SCFD2: variants seen among roughly 807,000 people sequenced by gnomAD.
SCFD2 encodes the protein sec1 family domain-containing protein 2.
Under a neutral mutation model 58.9 loss-of-function variants are expected in SCFD2, and 54 were observed. That is an observed-to-expected ratio of 0.92 (90% confidence interval 0.74 to 1.15). The LOEUF (loss-of-function observed/expected upper bound fraction) is 1.15. Ranked by LOEUF, SCFD2 falls within the 50% of genes most tolerant of loss-of-function variation. The probability of loss-of-function intolerance (pLI) is 0.00; values close to 1 mark genes in which losing one functional copy is unlikely to be tolerated. For missense variants in SCFD2, 805 were observed against 836.6 expected (o/e 0.96, Z 0.47); for synonymous variants, 321 against 335.9 (o/e 0.96, Z 0.49).
chr4:52,985,705 A>G (rs1214578480), intron 5 of SCFD2, among the ~76,000 whole-genome samples: 1 of 92,252 alleles, frequency 1.1e-5, no homozygotes, highest in East Asian at 2.6e-4. Flanking sequence ...TCAAATGTTT[A>G]TGATTTTAGA....
intron 4 of SCFD2, among the ~76,000 whole-genome samples, chr4:53,186,965 A>G (rs1480004500): frequency 6.6e-6 from 1 of 152,100 alleles, no homozygotes; most frequent in Admixed American, 6.6e-5. Context: ...TAAACATTTC[A>G]AAACAAACCA....
At chr4:53,271,473 T>TTATTTATTTATG (rs1329102723) in intron 4 of SCFD2, among the ~76,000 whole-genome samples, 15 of 151,344 alleles carry the variant, frequency 9.9e-5, no homozygotes, top group Non-Finnish European at 5.9e-5. Flanking sequence ...ATTTATTTAT[T>TTATTTATTTATG]TATTTTTGAG....
intron 3 of SCFD2, among the ~76,000 whole-genome samples, chr4:53,297,840 G>C (rs1287074224): frequency 6.6e-6 from 1 of 152,180 alleles, no homozygotes; most frequent in Admixed American, 6.5e-5. Context: ...GCTCTTGTAA[G>C]GCAGGCCTGT....
intron 3 of SCFD2, among the ~76,000 whole-genome samples, chr4:53,298,518 G>A (rs1732136055): frequency 6.6e-6 from 1 of 152,172 alleles, no homozygotes; most frequent in Non-Finnish European, 1.5e-5. Flanking sequence ...CACCTCTGGG[G>A]GCAGGGCTCA....
In SCFD2 at chr4:53,365,623, C is replaced by T. The variant is rs762642733; in HGVS notation, c.319G>A (p.Val107Met). The change falls in exon 1 of 9, where the codon GTG becomes ATG. Residue 107 changes from valine to methionine, a missense_variant. By Grantham distance (21) the Val-to-Met change is conservative. This residue lies in a region of SCFD2 where 155 missense variants were observed against 149.7 expected (regional missense o/e 1.04). Coordinates refer to ENST00000401642, the MANE Select transcript of SCFD2 (RefSeq NM_152540.4). This position sits in a 1 kb window ranked among gnomAD's most constrained non-coding sequence, Gnocchi z 4.3. ...HFQYCVVVTTVSHAVHLTANH... is the reference protein window; with the variant it reads ...HFQYCVVVTTMSHAVHLTANH... ...GCTGTGAGGTGGACAGCGTGGCTCA[C>T]GGTTGTGACCACCACACAATACTGG... 6 of 1,614,244 alleles carry T rather than the reference C, an allele frequency of 3.7e-6. No homozygotes were observed. Among genetic ancestry groups the T allele is most frequent in the Non-Finnish European group, 4.2e-6 (5 of 1,180,038 alleles).
At chr4:53,338,857 G>A (rs1484111942) in intron 2 of SCFD2, among the ~76,000 whole-genome samples, 2 of 151,956 alleles carry the variant, frequency 1.3e-5, no homozygotes, top group African/African-American at 4.8e-5. Flanking sequence ...TGGGATTACA[G>A]GCGTGAGCCA....
intron 4 of SCFD2, among the ~76,000 whole-genome samples, chr4:53,245,673 T>C (rs1467928734): frequency 6.6e-6 from 1 of 151,944 alleles, no homozygotes; most frequent in South Asian, 2.1e-4. Context: ...ATATACCTCA[T>C]ACAAACTAGG....
At chr4:52,916,591 A>T (rs1021031251) in intron 6 of SCFD2, among the ~76,000 whole-genome samples, 42 of 152,136 alleles carry the variant, frequency 2.8e-4, no homozygotes, top group African/African-American at 9.9e-4. Flanking sequence ...AAACAAAACA[A>T]AACAGAAAAA....
At chr4:53,355,471 G>A (rs1156270708) in intron 1 of SCFD2, among the ~76,000 whole-genome samples, 1 of 152,130 alleles carries the variant, frequency 6.6e-6, no homozygotes, top group East Asian at 1.9e-4. Flanking sequence ...CTTTTGACTA[G>A]GAAAGGGCAG....
At chr4:53,311,022 G>T (rs1266895947) in intron 3 of SCFD2, among the ~76,000 whole-genome samples, 2 of 152,158 alleles carry the variant, frequency 1.3e-5, no homozygotes, top group South Asian at 4.1e-4. Context: ...AATGCTATAT[G>T]ATAAGCTATA....
rs117523980 is a variant in SCFD2, at chr4:53,355,910, C to T, written c.839-3144G>A. On this transcript the variant is annotated intron_variant, in intron 1 of 8. Transcript: ENST00000401642. ...TCGGCCTCTGTTCAAATGTCGCATC[C>T]TCTCAAAACTTACTGTCTTAAAACC... 9.6e-4 allele frequency among the ~76,000 whole-genome samples: 146 copies of T among 152,316 alleles called. No individual in the cohort carries two copies. The East Asian group carries it at 0.019, about 20-fold the overall frequency.
chr4:52,972,190 C>T (rs1721121913), intron 5 of SCFD2, among the ~76,000 whole-genome samples: 1 of 152,184 alleles, frequency 6.6e-6, no homozygotes, highest in African/African-American at 2.4e-5. Flanking sequence ...TGCAAATGGG[C>T]TAAATGCTCC....
At chr4:53,109,134 G>C (rs139215845) in intron 5 of SCFD2, among the ~76,000 whole-genome samples, 1 of 152,116 alleles carries the variant, frequency 6.6e-6, no homozygotes, top group Non-Finnish European at 1.5e-5. Flanking sequence ...TATCTCAACA[G>C]ATACAGAAAA....
intron 5 of SCFD2, among the ~76,000 whole-genome samples, chr4:53,043,872 A>G (rs1722959586): frequency 6.6e-6 from 1 of 152,174 alleles, no homozygotes; most frequent in African/African-American, 2.4e-5. Flanking sequence ...CAAAATATGA[A>G]ATCTCTCTTA....
intron 3 of SCFD2, among the ~76,000 whole-genome samples, chr4:53,307,405 C>A (rs1197994424): frequency 5.9e-5 from 9 of 152,182 alleles, no homozygotes; most frequent in Admixed American, 5.9e-4. Flanking sequence ...GACACTACCT[C>A]CCCCAATCCC....
At position 52,908,911 on chromosome 4, in the gene SCFD2, G is replaced by T. The variant is rs17082173; in HGVS notation, c.1708-1320C>A. ...TCTCATGGTTACATGATCAGGAAGG[G>T]CAAGGCAATGAACAGAAACACCGGT... On this transcript the variant is annotated intron_variant, in intron 6 of 8. Coordinates refer to ENST00000401642, the MANE Select transcript of SCFD2 (RefSeq NM_152540.4). Among the ~76,000 whole-genome samples, 884 of 152,262 alleles carry T rather than the reference G, an allele frequency of 5.8e-3. 10 individuals are homozygous for T. The highest frequency in any genetic ancestry group is 0.021 in the African/African-American group (858 of 41,552).
chr4:53,365,362 T>C lies in SCFD2; in HGVS notation c.580A>G (p.Lys194Glu). ...VHLLNSARPD[K>E]RKLGSLGDVD... ...TCACCCAGGCTTCCCAGCTTCCTCT[T>C]GTCCGGTCGGGCGCTATTAAGGAGG... The change falls in exon 1 of 9, where the codon AAG becomes GAG. Residue 194 changes from lysine (K) to glutamate (E), a missense_variant. Transcript: ENST00000401642. This position sits in a 1 kb window ranked among gnomAD's most constrained non-coding sequence, Gnocchi z 4.3. 6.2e-7 allele frequency: 1 copy of C among 1,614,154 alleles called. No individual in the cohort carries two copies. Among genetic ancestry groups the C allele is most frequent in the Non-Finnish European group, 8.5e-7 (1 of 1,180,022 alleles).
chr4:52,951,211 G>C (rs1720585043), intron 5 of SCFD2, among the ~76,000 whole-genome samples: 3 of 152,044 alleles, frequency 2.0e-5, no homozygotes, highest in Admixed American at 6.6e-5. Context: ...TCACCAAAGA[G>C]CCAGCCATTC....
At chr4:53,128,172 A>C (rs757919952) in intron 5 of SCFD2, among the ~76,000 whole-genome samples, 1 of 152,128 alleles carries the variant, frequency 6.6e-6, no homozygotes, top group Non-Finnish European at 1.5e-5. Context: ...GAAAAAACGT[A>C]AAGATAATAC....
Sources: allele counts gnomAD v4.1 joint callset (sites outside exome capture counted in the v4.1 genomes callset), GRCh38; gene constraint gnomAD v4.1.1; regional missense constraint gnomAD v4.1.1; non-coding constraint Gnocchi (gnomAD v3.1); transcripts MANE v1.5; gene names NCBI Gene and HGNC (gene_info 2026-07-23, HGNC 2026-07-21).